CNTN3: variants seen among roughly 807,000 people sequenced by gnomAD.
The protein encoded by CNTN3 is contactin 3.
Under a neutral mutation model 119.1 loss-of-function variants are expected in CNTN3, and 60 were observed. The ratio of observed to expected loss-of-function variants is 0.50; its 90% CI spans 0.41 to 0.62. The LOEUF (loss-of-function observed/expected upper bound fraction) is 0.62, where lower values mean the gene tolerates loss of function less well. CNTN3 is among the 20% of genes least tolerant of loss of function. The pLI is 0.00. For missense variants in CNTN3, 1,101 were observed against 1,242.4 expected, an observed-to-expected ratio of 0.89 and a Z score of 1.71; for synonymous variants, 450 against 438.7, an observed-to-expected ratio of 1.03 and a Z score of -0.32.
At chr3:74,609,867 CA>C (rs1412383294) in intron 1 of CNTN3, among the ~76,000 whole-genome samples, 2 of 152,084 alleles carry the variant, frequency 1.3e-5, no homozygotes, top group Non-Finnish European at 2.9e-5. Flanking sequence ...AACATACAAT[CA>C]GGTAAGGAAA....
At chr3:74,381,971 G>C (rs926961012) in intron 5 of CNTN3, among the ~76,000 whole-genome samples, 1 of 152,084 alleles carries the variant, frequency 6.6e-6, no homozygotes, top group Non-Finnish European at 1.5e-5. Flanking sequence ...CACTTTGGGA[G>C]GCCGAGGCGG....
At chr3:74,494,184 T>C (rs969071127) in intron 3 of CNTN3, among the ~76,000 whole-genome samples, 8 of 152,088 alleles carry the variant, frequency 5.3e-5, no homozygotes, top group Non-Finnish European at 1.0e-4. Context: ...AGTCAGAACA[T>C]TCCATGGCTC....
chr3:74,556,903 T>C (rs189642996), intron 1 of CNTN3, among the ~76,000 whole-genome samples: 1 of 152,320 alleles, frequency 6.6e-6, no homozygotes, highest in Non-Finnish European at 1.5e-5. Flanking sequence ...AGGTCAACCA[T>C]GTTTTCATGT....
chr3:74,544,443 A>G (rs1047355483), intron 1 of CNTN3, among the ~76,000 whole-genome samples: 2 of 152,170 alleles, frequency 1.3e-5, no homozygotes, highest in South Asian at 2.1e-4. Context: ...TGATGTACAG[A>G]TATCTTCAGC....
chr3:74,418,623 G>A (rs1322798797), intron 5 of CNTN3, among the ~76,000 whole-genome samples: 1 of 152,032 alleles, frequency 6.6e-6, no homozygotes, highest in South Asian at 2.1e-4. Context: ...TTACAGGCAT[G>A]AGCCACCGTG....
chr3:74,606,925 A>G (rs919315250), intron 1 of CNTN3, among the ~76,000 whole-genome samples: 2 of 152,188 alleles, frequency 1.3e-5, no homozygotes, highest in Admixed American at 1.3e-4. Context: ...ATTACTACTA[A>G]ATAGAAACAT....
intron 7 of CNTN3, among the ~76,000 whole-genome samples, chr3:74,369,651 A>AC (rs1043409799): frequency 4.0e-5 from 6 of 151,630 alleles, no homozygotes; most frequent in African/African-American, 1.5e-4. Flanking sequence ...AAAAAAAAAA[A>AC]CCCACCAATT....
chr3:74,326,737 A>T (rs1424614964), intron 13 of CNTN3, among the ~76,000 whole-genome samples: 1 of 152,164 alleles, frequency 6.6e-6, no homozygotes, highest in African/African-American at 2.4e-5. Flanking sequence ...GGTTTTGAGT[A>T]GCCCTAATAT....
chr3:74,285,252 T>G lies in CNTN3; in HGVS notation c.2704+53A>C, dbSNP rs886962067. The G allele has an allele frequency of 5.3e-6, 8 of 1,518,318 alleles. No homozygotes were observed. In the East Asian group the frequency reaches 1.2e-4, roughly 22 times the overall value. The allele number at this position is 1,518,318 out of a possible 1,614,324, so 94.1% of individuals were successfully genotyped here. On this transcript the variant is annotated intron_variant, in intron 20 of 22. Transcript: ENST00000263665. ...TTTCAAATAATAGAGAAGGCTATCC[T>G]TTTTAATGCAAACTATTTTCCGTAC... is the stretch of plus-strand genomic sequence containing the variant.
chr3:74,610,145 A>C (rs1705056282), intron 1 of CNTN3, among the ~76,000 whole-genome samples: 1 of 152,030 alleles, frequency 6.6e-6, no homozygotes, highest in African/African-American at 2.4e-5. Flanking sequence ...CAACATGGTG[A>C]ATTCCCATCT....
At chr3:74,579,747 A>G (rs1704473728) in intron 1 of CNTN3, among the ~76,000 whole-genome samples, 1 of 152,134 alleles carries the variant, frequency 6.6e-6, no homozygotes, top group South Asian at 2.1e-4. Flanking sequence ...TAAAAATTGT[A>G]TTTGCAGTGG....
At chr3:74,462,336 T>C (rs1014538763) in intron 4 of CNTN3, among the ~76,000 whole-genome samples, 1 of 152,084 alleles carries the variant, frequency 6.6e-6, no homozygotes, top group African/African-American at 2.4e-5. Context: ...TACAAAGACA[T>C]AGAAGACCTA....
At chr3:74,391,833 A>G (rs1395224616) in intron 5 of CNTN3, among the ~76,000 whole-genome samples, 2 of 151,758 alleles carry the variant, frequency 1.3e-5, no homozygotes, top group Non-Finnish European at 2.9e-5. Flanking sequence ...AATTTTTTGT[A>G]TTTTAGTAGA....
intron 16 of CNTN3, 26 bp downstream of exon 16, chr3:74,301,372 C>A: frequency 6.2e-7 from 1 of 1,606,478 alleles, no homozygotes; most frequent in South Asian, 1.1e-5. Flanking sequence ...TCTATTAATC[C>A]ATTACTCAGA....
rs1293280516 is a variant in CNTN3 at position 74,280,034 on chromosome 3, A to G, written c.2704+5271T>C. 2.6e-5 allele frequency among the ~76,000 whole-genome samples: 4 copies of G among 152,318 alleles called. No individual in the cohort carries two copies. The East Asian group carries it at 7.7e-4, about 29-fold the overall frequency. On this transcript the variant is annotated intron_variant, in intron 20 of 22. Coordinates refer to ENST00000263665, the MANE Select transcript of CNTN3 (RefSeq NM_020872.3). ...GTTTAATTATATTGTTTGCAATTCA[A>G]TGGCTAAATGTTTGAGGGGATGGAT... is the stretch of plus-strand genomic sequence containing the variant.
At position 74,285,506 on chromosome 3, in the gene CNTN3, A is replaced by G. The variant is rs781415972; in HGVS notation, c.2518-15T>C. The stretch of plus-strand genomic sequence containing the variant: ...CAGTACCGCACCTGGTGGGCGGAAG[A>G]CACCAAACATGTGAAGGCTTAAAAA... On this transcript the variant is annotated splice_polypyrimidine_tract_variant and intron_variant, in intron 19 of 22. Coordinates refer to ENST00000263665, the MANE Select transcript of CNTN3 (RefSeq NM_020872.3). 5.0e-6 allele frequency: 8 copies of G among 1,592,456 alleles called. No individual in the cohort carries two copies. In the South Asian group the frequency reaches 5.7e-5, roughly 11 times the overall value.
chr3:74,388,813 A>G (rs1704821605), intron 5 of CNTN3, among the ~76,000 whole-genome samples: 1 of 152,246 alleles, frequency 6.6e-6, no homozygotes. Context: ...CAGAGAAATC[A>G]TATTTTATAA....
chr3:74,411,044 C>G (rs1701430374), intron 5 of CNTN3, among the ~76,000 whole-genome samples: 2 of 152,062 alleles, frequency 1.3e-5, no homozygotes, highest in Middle Eastern at 3.2e-3. Flanking sequence ...CCCTCCCTCC[C>G]TTCCTTCTTC....
At chr3:74,393,135 T>C (rs957811984) in intron 5 of CNTN3, among the ~76,000 whole-genome samples, 3 of 152,218 alleles carry the variant, frequency 2.0e-5, no homozygotes, top group African/African-American at 7.2e-5. Flanking sequence ...AGTAATGGAC[T>C]CCAAGCTTGC....
Sources: allele counts gnomAD v4.1 joint callset (sites outside exome capture counted in the v4.1 genomes callset), GRCh38; gene constraint gnomAD v4.1.1; transcripts MANE v1.5; gene names NCBI Gene and HGNC (gene_info 2026-07-23, HGNC 2026-07-21).